Variants in NELL2 observed in about 807,000 individuals in gnomAD.
NELL2 encodes the protein neural EGFL like 2.
In NELL2, 41 loss-of-function variants were observed where a neutral mutation model predicts 109.6. That is an observed-to-expected ratio of 0.37 (90% CI 0.29 to 0.49). The LOEUF (loss-of-function observed/expected upper bound fraction) is 0.49. Ranked by LOEUF, NELL2 falls within the 20% of genes least tolerant of loss-of-function variation. NELL2 has a pLI of 0.98. For synonymous variants in NELL2, 355 were observed against 344.7 expected (o/e 1.03, Z -0.33); for missense variants, 900 against 1,008.3 (o/e 0.89, Z 1.45).
intron 12 of NELL2, among the ~76,000 whole-genome samples, chr12:44,694,727 C>T (rs978833413): frequency 6.6e-6 from 1 of 151,784 alleles, no homozygotes; most frequent in Admixed American, 6.6e-5. Context: ...GAGCTCAGTT[C>T]TCTAGGTTAT....
At chr12:44,644,631 C>CATACATAT (rs1555190928) in intron 13 of NELL2, among the ~76,000 whole-genome samples, 4 of 100,948 alleles carry the variant, frequency 4.0e-5, no homozygotes, top group African/African-American at 7.6e-5. Flanking sequence ...TATATACATA[C>CATACATAT]ATATATATAT....
chr12:44,920,914 C>T (rs1439663616), intron 1 of NELL2, among the ~76,000 whole-genome samples: 1 of 152,202 alleles, frequency 6.6e-6, no homozygotes, highest in Non-Finnish European at 1.5e-5. Context: ...CAAATGAATA[C>T]CTCCCTCATT....
intron 9 of NELL2, among the ~76,000 whole-genome samples, chr12:44,727,106 G>A (rs1939121454): frequency 6.6e-6 from 1 of 152,066 alleles, no homozygotes; most frequent in Non-Finnish European, 1.5e-5. Context: ...AATGCTGCTG[G>A]TTCAATGATC....
intron 16 of NELL2, among the ~76,000 whole-genome samples, chr12:44,524,047 A>G (rs141536596): frequency 2.0e-5 from 3 of 152,308 alleles, no homozygotes; most frequent in African/African-American, 7.2e-5. Context: ...GCATTTTCAT[A>G]CAGTCCTTAG....
At chr12:44,552,408 C>T (rs1239257589) in intron 15 of NELL2, among the ~76,000 whole-genome samples, 1 of 151,324 alleles carries the variant, frequency 6.6e-6, no homozygotes, top group African/African-American at 2.5e-5. Context: ...AAAACCTTCA[C>T]ATATTTTCTT....
intron 9 of NELL2, among the ~76,000 whole-genome samples, chr12:44,746,946 T>C (rs1422623668): frequency 1.3e-5 from 2 of 152,222 alleles, no homozygotes; most frequent in African/African-American, 4.8e-5. Flanking sequence ...ATCCCATTAC[T>C]GGGTATATAC....
intron 9 of NELL2, among the ~76,000 whole-genome samples, chr12:44,758,139 C>A (rs915263931): frequency 1.3e-5 from 2 of 151,982 alleles, no homozygotes; most frequent in Admixed American, 1.3e-4. Flanking sequence ...AAGAGACTGT[C>A]CCAGCTGAGA....
intron 19 of NELL2, among the ~76,000 whole-genome samples, chr12:44,514,222 A>G (rs1941145502): frequency 6.6e-6 from 1 of 151,930 alleles, no homozygotes; most frequent in Admixed American, 6.6e-5. Context: ...ATAAGAGTTG[A>G]AAGAACTTGT....
intron 15 of NELL2, among the ~76,000 whole-genome samples, chr12:44,590,218 T>C (rs1244496994): frequency 6.6e-6 from 1 of 151,858 alleles, no homozygotes. Context: ...ACTTAGTATA[T>C]ATATATTTAT....
chr12:44,663,251 T>A (rs534129873), intron 13 of NELL2, among the ~76,000 whole-genome samples: 4 of 151,960 alleles, frequency 2.6e-5, no homozygotes, highest in Non-Finnish European at 5.9e-5. Context: ...AGGCCTAACA[T>A]TAAAAAAAAA....
intron 3 of NELL2, among the ~76,000 whole-genome samples, chr12:44,800,391 C>A (rs1391606084): frequency 6.6e-6 from 1 of 152,002 alleles, no homozygotes; most frequent in African/African-American, 2.4e-5. Flanking sequence ...GAGAGAGAGT[C>A]CCCAAGAGAA....
At chr12:44,850,494 T>C (rs1944502625) in intron 2 of NELL2, among the ~76,000 whole-genome samples, 4 of 152,136 alleles carry the variant, frequency 2.6e-5, no homozygotes, top group African/African-American at 9.7e-5. Context: ...GTTAACAAGT[T>C]GTTATTTTTA....
chr12:44,685,756 T>C (rs1386613388), intron 12 of NELL2, among the ~76,000 whole-genome samples: 1 of 152,210 alleles, frequency 6.6e-6, no homozygotes, highest in African/African-American at 2.4e-5. Flanking sequence ...CACTCTCTTC[T>C]GGCTTGTAGA....
intron 13 of NELL2, among the ~76,000 whole-genome samples, chr12:44,650,692 G>C (rs1246684363): frequency 6.6e-6 from 1 of 152,080 alleles, no homozygotes; most frequent in Admixed American, 6.5e-5. Context: ...AAGATATAAG[G>C]GTGGGGCGCT....
chr12:44,521,967 A>T (rs760388580), intron 18 of NELL2, 33 bp downstream of exon 18: 1 of 1,607,884 alleles, frequency 6.2e-7, no homozygotes, highest in Non-Finnish European at 8.5e-7. Context: ...TCTGGGCCTA[A>T]ATTTTCTTTC....
At chr12:44,880,114 T>TAAAC (rs1224392723), upstream of NELL2, among the ~76,000 whole-genome samples, 224 of 137,120 alleles carry the variant, frequency 1.6e-3, 4 homozygotes, top group African/African-American at 5.6e-3. Context: ...TCAAGAAACA[T>TAAAC]ACACACACAC....
chr12:44,528,097 C>CAAAAAAAAAAAAAAAAAAAAAA (rs71093812), intron 16 of NELL2, among the ~76,000 whole-genome samples: 13 of 22,002 alleles, frequency 5.9e-4, no homozygotes, highest in African/African-American at 8.2e-4. Flanking sequence ...GACTCCGTCT[C>CAAAAAAAAAAAAAAAAAAAAAA]AAAAAAAAAA....
At chr12:44,846,494 A>G (rs549216680) in intron 2 of NELL2, among the ~76,000 whole-genome samples, 11 of 152,202 alleles carry the variant, frequency 7.2e-5, no homozygotes, top group Non-Finnish European at 1.2e-4. Flanking sequence ...CTCTGGAACC[A>G]TTATCATTTG....
At chr12:44,908,921 C>T (rs1283113228) in intron 1 of NELL2, among the ~76,000 whole-genome samples, 1 of 151,896 alleles carries the variant, frequency 6.6e-6, no homozygotes, top group East Asian at 1.9e-4. Context: ...AGTTAGCTGA[C>T]ATAATTTATT....
Sources: allele counts gnomAD v4.1 joint callset (sites outside exome capture counted in the v4.1 genomes callset), GRCh38; gene constraint gnomAD v4.1.1; transcripts MANE v1.5; gene names NCBI Gene and HGNC (gene_info 2026-07-23, HGNC 2026-07-21).